ZNF540: variants seen among roughly 807,000 people sequenced by gnomAD.
ZNF540 encodes the protein CTD-3064H18.6.
In ZNF540, 3 loss-of-function variants were observed where a neutral mutation model predicts 11.8. The ratio of observed to expected loss-of-function variants is 0.25; its 90% confidence interval spans 0.12 to 0.65. The LOEUF (loss-of-function observed/expected upper bound fraction) is 0.65. ZNF540 is among the 30% of genes least tolerant of loss of function. ZNF540 has a pLI of 0.83. For missense variants in ZNF540, 709 were observed against 793.1 expected, an observed-to-expected ratio of 0.89 and a Z score of 1.27; for synonymous variants, 247 against 259.0, an observed-to-expected ratio of 0.95 and a Z score of 0.45.
chr19:37,559,163 T>C (rs2042692036), intron 1 of ZNF540, among the ~76,000 whole-genome samples: 1 of 152,204 alleles, frequency 6.6e-6, no homozygotes, highest in Non-Finnish European at 1.5e-5. Context: ...CTGTCAGGGA[T>C]CACAGTCATA....
chr19:37,558,186 T>C (rs2042681145), intron 1 of ZNF540, among the ~76,000 whole-genome samples: 1 of 152,228 alleles, frequency 6.6e-6, no homozygotes, highest in Non-Finnish European at 1.5e-5. Flanking sequence ...GATTTTTGTT[T>C]GTCATTTGAA....
intron 1 of ZNF540, among the ~76,000 whole-genome samples, chr19:37,572,679 A>T (rs1222443489): frequency 6.6e-6 from 1 of 152,178 alleles, no homozygotes; most frequent in Non-Finnish European, 1.5e-5. Context: ...CATATATAAC[A>T]ATGTGGCTTT....
intron 1 of ZNF540, among the ~76,000 whole-genome samples, chr19:37,553,629 C>CT (rs1399746459): frequency 6.6e-6 from 1 of 151,998 alleles, no homozygotes; most frequent in Non-Finnish European, 1.5e-5. Context: ...CTAAATATTA[C>CT]GGCACTTTTT....
At chr19:37,605,199 GC>G (rs1252561957) in intron 4 of ZNF540, among the ~76,000 whole-genome samples, 3 of 152,166 alleles carry the variant, frequency 2.0e-5, no homozygotes, top group Admixed American at 2.0e-4. Flanking sequence ...AGTAGTTCAT[GC>G]CTGTAATCCC....
intron 4 of ZNF540, among the ~76,000 whole-genome samples, chr19:37,609,896 G>C (rs1266458120): frequency 1.3e-5 from 2 of 152,010 alleles, no homozygotes; most frequent in Non-Finnish European, 2.9e-5. Flanking sequence ...AAACAGTAGA[G>C]TGAGCATCCA....
rs143272285 is a variant in ZNF540, at chr19:37,565,186, G to A, written c.-73+13521G>A. On this transcript the variant is annotated intron_variant, in intron 1 of 4. Transcript: ENST00000592533. ...CCTTACATTTGTAGGGCTTCTCTCC[G>A]GTATGAATTCTTTGATGTTGAATAA... 3,358 of 1,611,556 alleles carry A rather than the reference G, an allele frequency of 2.1e-3. 8 individuals carry two copies. Among genetic ancestry groups the A allele is most frequent in the Middle Eastern group, 3.8e-3 (23 of 6,052 alleles).
intron 1 of ZNF540, among the ~76,000 whole-genome samples, chr19:37,579,799 T>C (rs947794497): frequency 6.6e-6 from 1 of 152,200 alleles, no homozygotes; most frequent in Admixed American, 6.5e-5. Flanking sequence ...AGCATCACCA[T>C]ACTACTGACA....
chr19:37,575,177 A>G (rs773945623), intron 1 of ZNF540, among the ~76,000 whole-genome samples: 16 of 152,198 alleles, frequency 1.1e-4, no homozygotes, highest in Non-Finnish European at 2.4e-4. Flanking sequence ...GTTAAATGCT[A>G]TGTCAGTACT....
chr19:37,593,150 A>G (rs933709603), upstream of ZNF540, among the ~76,000 whole-genome samples: 21 of 152,146 alleles, frequency 1.4e-4, no homozygotes, highest in African/African-American at 4.6e-4. Flanking sequence ...TTGGTATAAC[A>G]GCATCATGGT....
At chr19:37,600,374 GT>G (rs1830074729) in intron 3 of ZNF540, among the ~76,000 whole-genome samples, 2 of 152,038 alleles carry the variant, frequency 1.3e-5, no homozygotes, top group South Asian at 4.1e-4. Flanking sequence ...TAAAATAAAA[GT>G]TGAAATTAGT....
intron 1 of ZNF540, chr19:37,554,994 C>CT (rs1283273685): frequency 6.6e-6 from 1 of 152,168 alleles, no homozygotes; most frequent in African/African-American, 2.4e-5. Flanking sequence ...GGTGCAGGGG[C>CT]TTTAAGACTA....
chr19:37,557,558 G>C (rs1477436059), intron 1 of ZNF540, among the ~76,000 whole-genome samples: 1 of 152,104 alleles, frequency 6.6e-6, no homozygotes, highest in Non-Finnish European at 1.5e-5. Context: ...CCGGCCTTTC[G>C]TACTCCCTGC....
intron 1 of ZNF540, chr19:37,583,864 C>T (rs1425443557): frequency 8.6e-7 from 1 of 1,168,692 alleles, no homozygotes; most frequent in Non-Finnish European, 1.2e-6. Flanking sequence ...ATTTCTACTT[C>T]TACTCAAACG....
chr19:37,588,329 GA>G (rs2043753195), intron 1 of ZNF540, among the ~76,000 whole-genome samples: 1 of 152,018 alleles, frequency 6.6e-6, no homozygotes, highest in South Asian at 2.1e-4. Context: ...ATAATAAAGA[GA>G]ACAGAGATTT....
upstream of ZNF540, among the ~76,000 whole-genome samples, chr19:37,589,864 C>CAAAAA (rs60136941): frequency 0.028 from 839 of 29,566 alleles, 291 homozygotes; most frequent in African/African-American, 0.084. Flanking sequence ...GACTCCATCT[C>CAAAAA]AAAAAAAAAA....
chr19:37,578,072 C>A (rs574852939), intron 1 of ZNF540, among the ~76,000 whole-genome samples: 6 of 152,274 alleles, frequency 3.9e-5, no homozygotes, highest in African/African-American at 1.4e-4. Context: ...AGGTTGCGGG[C>A]TCCTTATGAG....
chr19:37,566,039 C>G (rs11540764), intron 1 of ZNF540: 1 of 1,613,990 alleles, frequency 6.2e-7, no homozygotes, highest in South Asian at 1.1e-5. Flanking sequence ...AGGAATTATC[C>G]GATGAAAAGT....
chr19:37,597,282 G>A (rs1211668709), intron 1 of ZNF540, among the ~76,000 whole-genome samples: 1 of 152,066 alleles, frequency 6.6e-6, no homozygotes, highest in African/African-American at 2.4e-5. Flanking sequence ...TCTGATTGAG[G>A]GAAATGGGGA....
chr19:37,553,790 A>G (rs2042633246), intron 1 of ZNF540, among the ~76,000 whole-genome samples: 1 of 152,076 alleles, frequency 6.6e-6, no homozygotes, highest in Non-Finnish European at 1.5e-5. Context: ...AGCCATTTTC[A>G]TATTTTAATT....
Sources: gnomAD v4.1 joint callset for allele counts (sites outside exome capture counted in the v4.1 genomes callset) on GRCh38, gnomAD v4.1.1 for gene constraint, MANE v1.5 for transcripts, NCBI Gene and HGNC (gene_info 2026-07-23, HGNC 2026-07-21) for gene names.